Variants in EYS observed in about 807,000 individuals in gnomAD.
EYS encodes protein eyes shut homolog.
EYS carries 250 observed loss-of-function variants against 282.1 expected under a neutral mutation model. The ratio of observed to expected loss-of-function variants is 0.89; its 90% CI spans 0.80 to 0.98. The LOEUF (loss-of-function observed/expected upper bound fraction) is 0.98, where lower values mean the gene tolerates loss of function less well. EYS is among the 50% of genes least tolerant of loss of function. The probability of loss-of-function intolerance (pLI) is 0.00; values close to 1 mark genes in which losing one functional copy is unlikely to be tolerated. For synonymous variants in EYS, 1,355 were observed against 1,282.9 expected, an observed-to-expected ratio of 1.06 and a Z score of -1.20; for missense variants, 4,016 against 3,709.0, an observed-to-expected ratio of 1.08 and a Z score of -2.15.
At chr6:65,332,092 A>G (rs1165196413) in intron 11 of EYS, 4 of 340,308 alleles carry the variant, frequency 1.2e-5, no homozygotes, top group East Asian at 9.3e-5. Flanking sequence ...CTTTCACCGT[A>G]AAGTATAATG....
At chr6:64,009,597 C>CTTTTA (rs1768511121) in intron 33 of EYS, among the ~76,000 whole-genome samples, 1 of 152,106 alleles carries the variant, frequency 6.6e-6, no homozygotes, top group Admixed American at 6.6e-5. Context: ...TTGGTTCTTT[C>CTTTTA]TTAAAATGAC....
chr6:64,655,788 T>G (rs903621587), intron 22 of EYS, among the ~76,000 whole-genome samples: 8 of 152,124 alleles, frequency 5.3e-5, no homozygotes, highest in Non-Finnish European at 1.2e-4. Context: ...TTACTTTATT[T>G]AATAATAAAT....
At chr6:64,296,629 C>T (rs1480676576) in intron 30 of EYS, among the ~76,000 whole-genome samples, 18 of 129,284 alleles carry the variant, frequency 1.4e-4, no homozygotes, top group African/African-American at 2.9e-4. Context: ...TTTTTTGAGA[C>T]GGAATCTCAC....
chr6:64,074,606 A>C (rs1013363063), intron 32 of EYS, among the ~76,000 whole-genome samples: 1 of 151,768 alleles, frequency 6.6e-6, no homozygotes, highest in African/African-American at 2.4e-5. Flanking sequence ...TCATTTATAA[A>C]TATTCAAAAG....
intron 26 of EYS, among the ~76,000 whole-genome samples, chr6:64,574,526 CA>C (rs1247804080): frequency 3.3e-5 from 5 of 152,242 alleles, no homozygotes; most frequent in African/African-American, 1.2e-4. Context: ...ATGCATGAAT[CA>C]TAGAGTCTCA....
At chr6:65,655,921 A>G (rs577000308) in intron 1 of EYS, among the ~76,000 whole-genome samples, 1 of 151,966 alleles carries the variant, frequency 6.6e-6, no homozygotes. Context: ...TCTAATTTTG[A>G]AAGAAGTACA....
intron 29 of EYS, among the ~76,000 whole-genome samples, chr6:64,337,835 C>A (rs1027522300): frequency 6.6e-6 from 1 of 151,928 alleles, no homozygotes; most frequent in African/African-American, 2.4e-5. Flanking sequence ...ATACACAAGT[C>A]AATAAATGTG....
chr6:63,946,534 C>T (rs867467877), intron 35 of EYS, among the ~76,000 whole-genome samples: 12 of 151,970 alleles, frequency 7.9e-5, no homozygotes, highest in Non-Finnish European at 1.0e-4. Context: ...GGAGGTCTTA[C>T]GCTACATTTT....
At chr6:64,635,813 G>A (rs959310760) in intron 22 of EYS, among the ~76,000 whole-genome samples, 1 of 152,094 alleles carries the variant, frequency 6.6e-6, no homozygotes, top group Non-Finnish European at 1.5e-5. Context: ...GCCAGGCTTT[G>A]GTATCAGGAT....
At chr6:65,340,167 T>A (rs1582159535) in intron 10 of EYS, among the ~76,000 whole-genome samples, 1 of 151,150 alleles carries the variant, frequency 6.6e-6, no homozygotes, top group Non-Finnish European at 1.5e-5. Flanking sequence ...CATCCCAAAT[T>A]TTAGTGCTCC....
At chr6:65,535,112 T>C (rs1345691227) in intron 2 of EYS, among the ~76,000 whole-genome samples, 1 of 152,088 alleles carries the variant, frequency 6.6e-6, no homozygotes, top group African/African-American at 2.4e-5. Flanking sequence ...TCCCAAGATC[T>C]GTAGGGTGAG....
intron 8 of EYS, among the ~76,000 whole-genome samples, chr6:65,360,797 A>C (rs1212689685): frequency 1.3e-5 from 2 of 152,186 alleles, no homozygotes; most frequent in Admixed American, 6.6e-5. Flanking sequence ...AATCCCATTT[A>C]GTGTAGTCAC....
chr6:63,842,775 C>T (rs1287095328), intron 36 of EYS, among the ~76,000 whole-genome samples: 1 of 151,938 alleles, frequency 6.6e-6, no homozygotes, highest in Non-Finnish European at 1.5e-5. Flanking sequence ...TCTTGGGTTA[C>T]TGTTTGTATA....
chr6:63,847,419 T>C (rs779737265), intron 36 of EYS, among the ~76,000 whole-genome samples: 8 of 152,158 alleles, frequency 5.3e-5, no homozygotes, highest in Non-Finnish European at 1.0e-4. Flanking sequence ...TTCTCTTTTC[T>C]CTCCTCCTTG....
intron 30 of EYS, among the ~76,000 whole-genome samples, chr6:64,289,834 G>A (rs1054025192): frequency 2.0e-5 from 3 of 151,994 alleles, no homozygotes; most frequent in African/African-American, 7.2e-5. Flanking sequence ...GAATAGTATG[G>A]TACTCTTAGA....
At chr6:63,991,971 C>T (rs1482127626) in intron 34 of EYS, among the ~76,000 whole-genome samples, 1 of 151,690 alleles carries the variant, frequency 6.6e-6, no homozygotes, top group African/African-American at 2.4e-5. Flanking sequence ...AAGGAACCTG[C>T]AAACCAAGAA....
At chr6:64,399,363 A>G (rs1488034537) in intron 28 of EYS, among the ~76,000 whole-genome samples, 1 of 151,818 alleles carries the variant, frequency 6.6e-6, no homozygotes, top group Non-Finnish European at 1.5e-5. Flanking sequence ...CAATAACTAT[A>G]TATCTGGATT....
intron 2 of EYS, among the ~76,000 whole-genome samples, chr6:65,568,288 TTTC>T (rs201359152): frequency 0.012 from 1,497 of 126,222 alleles, 13 homozygotes; most frequent in South Asian, 0.018. Flanking sequence ...GAGCTCCCAC[TTTC>T]TTTTTTTCTT....
intron 22 of EYS, among the ~76,000 whole-genome samples, chr6:64,664,710 C>A (rs984410691): frequency 2.0e-5 from 3 of 152,064 alleles, no homozygotes; most frequent in Non-Finnish European, 2.9e-5. Flanking sequence ...CCAGAGGGAG[C>A]TCATTTGACC....
Sources: allele counts gnomAD v4.1 joint callset (sites outside exome capture counted in the v4.1 genomes callset), GRCh38; gene constraint gnomAD v4.1.1; transcripts MANE v1.5; gene names NCBI Gene and HGNC (gene_info 2026-07-23, HGNC 2026-07-21).